PRKCA: variants seen among roughly 807,000 people sequenced by gnomAD.
PRKCA encodes the protein protein kinase C alpha.
PRKCA carries 27 observed loss-of-function variants against 87.0 expected under a neutral mutation model. The ratio of observed to expected loss-of-function variants is 0.31; its 90% CI spans 0.23 to 0.43. The LOEUF is 0.43. PRKCA is among the 20% of genes least tolerant of loss of function. The pLI, the probability that PRKCA is intolerant of heterozygous loss-of-function variation, is 1.00. For synonymous variants in PRKCA, 329 were observed against 311.1 expected, an observed-to-expected ratio of 1.06 and a Z score of -0.61; for missense variants, 518 against 852.3, an observed-to-expected ratio of 0.61 and a Z score of 4.88.
At chr17:66,574,431 A>G (rs1423868357) in intron 3 of PRKCA, among the ~76,000 whole-genome samples, 1 of 152,162 alleles carries the variant, frequency 6.6e-6, no homozygotes, top group Admixed American at 6.5e-5. Flanking sequence ...GAGTGTTTTT[A>G]TGAAGATTAC....
intron 2 of PRKCA, among the ~76,000 whole-genome samples, chr17:66,445,836 G>A (rs1914007553): frequency 1.3e-5 from 2 of 151,478 alleles, no homozygotes; most frequent in Non-Finnish European, 2.9e-5. Context: ...ACAGGGTCTG[G>A]CTCTGGCTCA....
intron 3 of PRKCA, among the ~76,000 whole-genome samples, chr17:66,633,719 T>G (rs569406398): frequency 6.6e-6 from 1 of 152,348 alleles, no homozygotes; most frequent in East Asian, 1.9e-4. Flanking sequence ...GGATGACCTC[T>G]AACCAAAACC....
Position 66,688,365 on chromosome 17 carries a change from A to G in PRKCA, c.750A>G (p.Thr250=). The G allele has an allele frequency of 1.2e-6, 2 of 1,614,226 alleles. No homozygotes were observed. Among genetic ancestry groups the G allele is most frequent in the Non-Finnish European group, 8.5e-7 (1 of 1,180,034 alleles). Residue 250 remains threonine, a synonymous_variant, in exon 7 of 17, where the codon ACA becomes ACG. Transcript: ENST00000413366. ...LSVEIWDWDR[T]TRNDFMGSLS... ...TAGAAATCTGGGACTGGGATCGAACAACAAGGAATGACTTCATGGGATCCC... is the reference window on the plus strand; with the variant it reads ...TAGAAATCTGGGACTGGGATCGAACGACAAGGAATGACTTCATGGGATCCC...
At chr17:66,679,475 C>T (rs779824167) in intron 5 of PRKCA, among the ~76,000 whole-genome samples, 2 of 152,056 alleles carry the variant, frequency 1.3e-5, no homozygotes, top group African/African-American at 4.8e-5. Flanking sequence ...CCACCGTGCC[C>T]GGCCTACACT....
chr17:66,549,827 G>T (rs532807429), intron 3 of PRKCA, among the ~76,000 whole-genome samples: 1 of 152,074 alleles, frequency 6.6e-6, no homozygotes, highest in Non-Finnish European at 1.5e-5. Context: ...TGGTCAGTGG[G>T]GTGTGTTTCT....
chr17:66,705,817 A>G (rs1030440576), intron 8 of PRKCA, among the ~76,000 whole-genome samples: 2 of 152,190 alleles, frequency 1.3e-5, no homozygotes, highest in Non-Finnish European at 1.5e-5. Flanking sequence ...TCATGGCTCT[A>G]TCTCAAGCAC....
intron 8 of PRKCA, among the ~76,000 whole-genome samples, chr17:66,715,826 A>G (rs765927399): frequency 6.6e-6 from 1 of 152,126 alleles, no homozygotes; most frequent in Non-Finnish European, 1.5e-5. Context: ...AAGGCAGACT[A>G]GTGAATCTTA....
intron 2 of PRKCA, among the ~76,000 whole-genome samples, chr17:66,368,246 A>G (rs922812724): frequency 1.3e-5 from 2 of 151,744 alleles, no homozygotes; most frequent in Admixed American, 6.6e-5. Context: ...TGACAATTCC[A>G]GTGACCTTTG....
chr17:66,349,613 T>G (rs1346847690), intron 2 of PRKCA, among the ~76,000 whole-genome samples: 5 of 152,194 alleles, frequency 3.3e-5, no homozygotes, highest in Non-Finnish European at 7.3e-5. Context: ...GCCCATGCGG[T>G]AGACTCTGGC....
In PRKCA at chr17:66,527,972, C is replaced by T. The variant is rs138099824; in HGVS notation, c.288+31689C>T. 5.6e-3 allele frequency among the ~76,000 whole-genome samples: 859 copies of T among 152,082 alleles called. 4 individuals are homozygous for T. Among genetic ancestry groups the T allele is most frequent in the Non-Finnish European group, 9.7e-3 (657 of 67,972 alleles). ...CAGCACTTTGGGAGGTCAAGGCGGG[C>T]GGATCACTTGAGGTCTGGAGTTCGA... is the stretch of plus-strand genomic sequence containing the variant. On this transcript the variant is annotated intron_variant, in intron 3 of 16. Coordinates refer to ENST00000413366, the MANE Select transcript of PRKCA (RefSeq NM_002737.3).
chr17:66,410,037 C>T (rs909186428), intron 2 of PRKCA, among the ~76,000 whole-genome samples: 3 of 152,170 alleles, frequency 2.0e-5, no homozygotes, highest in African/African-American at 4.8e-5. Flanking sequence ...GTTCAATAAA[C>T]AAGTACCAGC....
chr17:66,774,264 C>T (rs1387215885), intron 14 of PRKCA, 197 bp downstream of exon 14: 1 of 1,418,286 alleles, frequency 7.1e-7, no homozygotes, highest in African/African-American at 1.4e-5. Flanking sequence ...TATCTCTGGT[C>T]ATAGAAACTC....
chr17:66,481,010 G>T (rs145750124), intron 2 of PRKCA, among the ~76,000 whole-genome samples: 1 of 151,972 alleles, frequency 6.6e-6, no homozygotes, highest in African/African-American at 2.4e-5. Context: ...AGGTGTTACC[G>T]CAGAACGCTG....
At chr17:66,717,390 A>C (rs1247715075) in intron 8 of PRKCA, among the ~76,000 whole-genome samples, 1 of 152,158 alleles carries the variant, frequency 6.6e-6, no homozygotes, top group African/African-American at 2.4e-5. Flanking sequence ...AAGTTTGCTC[A>C]CCCTCGATGT....
chr17:66,739,888 A>G (rs61761466), intron 11 of PRKCA, among the ~76,000 whole-genome samples: 31,710 of 151,978 alleles, frequency 0.21, 3,833 homozygotes, highest in Middle Eastern at 0.32. Flanking sequence ...CAGTTTTTGC[A>G]GAGCTCTCTG....
intron 2 of PRKCA, among the ~76,000 whole-genome samples, chr17:66,467,697 A>G (rs1428703742): frequency 6.6e-6 from 1 of 152,124 alleles, no homozygotes; most frequent in African/African-American, 2.4e-5. Flanking sequence ...AGCTGGGACC[A>G]CAGGTGCATG....
chr17:66,372,232 A>G (rs528457999), intron 2 of PRKCA, among the ~76,000 whole-genome samples: 1 of 152,314 alleles, frequency 6.6e-6, no homozygotes, highest in East Asian at 1.9e-4. Flanking sequence ...TTGGAGAAAC[A>G]CTATTTTAGT....
chr17:66,490,359 T>C (rs79947793), intron 2 of PRKCA, among the ~76,000 whole-genome samples: 10 of 151,796 alleles, frequency 6.6e-5, no homozygotes, highest in African/African-American at 2.4e-4. Flanking sequence ...TTTTTTTTTT[T>C]TGAGATGGAG....
intron 2 of PRKCA, among the ~76,000 whole-genome samples, chr17:66,398,927 A>C (rs780728052): frequency 3.3e-5 from 5 of 152,032 alleles, no homozygotes; most frequent in Non-Finnish European, 5.9e-5. Flanking sequence ...GAGATACTTA[A>C]TTTTATTTAA....
Sources: gnomAD v4.1 joint callset for allele counts (sites outside exome capture counted in the v4.1 genomes callset) on GRCh38, gnomAD v4.1.1 for gene constraint, MANE v1.5 for transcripts, NCBI Gene and HGNC (gene_info 2026-07-23, HGNC 2026-07-21) for gene names.